MARCO: variants seen among roughly 807,000 people sequenced by gnomAD.
MARCO encodes the protein macrophage receptor MARCO.
In MARCO, 72 loss-of-function variants were observed where a neutral mutation model predicts 70.0. The ratio of observed to expected loss-of-function variants is 1.03; its 90% CI spans 0.85 to 1.25. MARCO has a LOEUF of 1.25. Among genes scored for constraint, MARCO ranks in the 50% most tolerant of loss-of-function variants. The pLI is 0.00. For missense variants in MARCO, 696 were observed against 659.3 expected (o/e 1.06, Z -0.61); for synonymous variants, 273 against 243.1 (o/e 1.12, Z -1.14).
At position 118,969,240 on chromosome 2, in the gene MARCO, G is replaced by A. The variant is rs535947483; in HGVS notation, c.178G>A (p.Ala60Thr). Residue 60 changes from alanine to threonine, a missense_variant, in exon 2 of 17, where the codon GCT becomes ACT. Physicochemically the swap from Ala to Thr is moderately conservative, Grantham distance 58 (BLOSUM62 0). This residue lies in a region of MARCO where 605 missense variants were observed against 537.6 expected (regional missense o/e 1.13). Transcript: ENST00000327097. ...VIYLILLTAGAGLLVVQVLNL... is the reference protein window; with the variant it reads ...VIYLILLTAGTGLLVVQVLNL... Reference sequence around the variant, plus strand: ...CTACCTGATCCTGCTCACCGCTGGCGCTGGGCTGCTGGTGGTCCAAGGTAA... The same window carrying A: ...CTACCTGATCCTGCTCACCGCTGGCACTGGGCTGCTGGTGGTCCAAGGTAA... The A allele has an allele frequency of 2.7e-5, 43 of 1,614,006 alleles. No homozygotes were observed. Among genetic ancestry groups the A allele is most frequent in the Middle Eastern group, 3.3e-4 (2 of 6,078 alleles).
At chr2:118,993,781 A>G (rs1680669291) in intron 16 of MARCO, among the ~76,000 whole-genome samples, 1 of 152,252 alleles carries the variant, frequency 6.6e-6, no homozygotes, top group Non-Finnish European at 1.5e-5. Context: ...AAATCAGAGC[A>G]GGGACTTACT....
rs756519755 is a variant in MARCO, at chr2:118,981,535, G to A, written c.865+28G>A. ...AAGAGGGCACGTGGTCACATCCACT[G>A]ACCTCTAGGTATTTCCTTTTTTTTT... On this transcript the variant is annotated intron_variant, in intron 9 of 16. Coordinates refer to ENST00000327097, the MANE Select transcript of MARCO (RefSeq NM_006770.4). 3.1e-6 allele frequency: 5 copies of A among 1,590,726 alleles called. No individual in the cohort carries two copies. The East Asian group carries it at 1.1e-4, about 36-fold the overall frequency.
intron 12 of MARCO, among the ~76,000 whole-genome samples, chr2:118,985,009 G>GC (rs925068023): frequency 4.6e-5 from 7 of 152,098 alleles, no homozygotes; most frequent in African/African-American, 1.7e-4. Context: ...TCATTACTGC[G>GC]CATTAATTAT....
chr2:118,961,365 C>T (rs76619773), intron 1 of MARCO, among the ~76,000 whole-genome samples: 4,351 of 152,300 alleles, frequency 0.029, 81 homozygotes, highest in Middle Eastern at 0.054. Flanking sequence ...TTCTCTGGAA[C>T]CTCACCAGCA....
In MARCO at chr2:118,946,495, C is replaced by T. The variant is rs78114772; in HGVS notation, c.97+4098C>T. Reference sequence around the variant, plus strand: ...CCTTTGAAACCCATCCAAGTTGTATCCATCCATAGTTGGCTCTTCTTATTG... The same window carrying T: ...CCTTTGAAACCCATCCAAGTTGTATTCATCCATAGTTGGCTCTTCTTATTG... On this transcript the variant is annotated intron_variant, in intron 1 of 16. Coordinates refer to ENST00000327097, the MANE Select transcript of MARCO (RefSeq NM_006770.4). Among the ~76,000 whole-genome samples, 1,630 of 152,054 alleles carry T rather than the reference C, an allele frequency of 0.011. 65 individuals carry two copies. The South Asian group carries it at 0.12, about 11-fold the overall frequency.
intron 1 of MARCO, among the ~76,000 whole-genome samples, chr2:118,954,303 C>A (rs1409812213): frequency 6.6e-6 from 1 of 152,150 alleles, no homozygotes; most frequent in Non-Finnish European, 1.5e-5. Context: ...AGCTTTCCCC[C>A]ACTTCCCTGA....
intron 12 of MARCO, among the ~76,000 whole-genome samples, chr2:118,988,668 C>T (rs1436784060): frequency 4.6e-5 from 7 of 152,100 alleles, no homozygotes; most frequent in Non-Finnish European, 8.8e-5. Flanking sequence ...TGTGATCTTT[C>T]GCCCAACCCA....
At chr2:118,971,455 G>A (rs912080434) in intron 3 of MARCO, 44 bp from the exon 4 acceptor site, 2 of 1,607,830 alleles carry the variant, frequency 1.2e-6, no homozygotes, top group East Asian at 4.5e-5. Context: ...TTGGGCCAAG[G>A]GTACCCCACA....
chr2:118,986,593 GA>G (rs1345581025), intron 12 of MARCO, among the ~76,000 whole-genome samples: 1 of 6,908 alleles, frequency 1.4e-4, no homozygotes, highest in African/African-American at 7.1e-4. Flanking sequence ...AAAGAAGAAA[GA>G]AAGAAAGAAA....
At chr2:118,970,598 T>C (rs890661868) in intron 3 of MARCO, among the ~76,000 whole-genome samples, 1 of 151,682 alleles carries the variant, frequency 6.6e-6, no homozygotes. Flanking sequence ...TGACATGAGG[T>C]TGGGGAGAGA....
chr2:118,993,882 C>G (rs751062119), intron 16 of MARCO, among the ~76,000 whole-genome samples: 1 of 152,180 alleles, frequency 6.6e-6, no homozygotes, highest in African/African-American at 2.4e-5. Context: ...GTTAAGTCCC[C>G]AGGCAGAACC....
intron 2 of MARCO, among the ~76,000 whole-genome samples, 174 bp from the exon 3 acceptor site, chr2:118,969,940 C>T (rs1021715738): frequency 5.3e-5 from 8 of 152,140 alleles, no homozygotes; most frequent in Non-Finnish European, 7.3e-5. Flanking sequence ...GAGTGTGGAG[C>T]GCACATGGTC....
chr2:118,974,527 CG>C lies in MARCO; in HGVS notation c.578del (p.Gly193AspfsTer71). The stretch of plus-strand genomic sequence containing the variant: ...AATTCCCTTTCCCTTCCAGGCCCCT[CG>C]GGACCCCAAGGCCCACCGGGAGTCA... The part of the protein sequence containing the change: ...AMGRDGATGP[S>X]GPQGPPGVKG... On this transcript the variant is annotated frameshift_variant, in exon 6 of 17. Transcript: ENST00000327097. LOFTEE classifies it high-confidence loss of function. 6.2e-7 allele frequency: 1 copy of C among 1,613,902 alleles called. No homozygotes were observed. Among genetic ancestry groups the C allele is most frequent in the Non-Finnish European group, 8.5e-7 (1 of 1,179,984 alleles).
chr2:118,948,214 C>A (rs1018496911), intron 1 of MARCO, among the ~76,000 whole-genome samples: 6 of 152,212 alleles, frequency 3.9e-5, no homozygotes, highest in African/African-American at 1.4e-4. Context: ...ACAGATGGAA[C>A]AATGGCAAGA....
intron 6 of MARCO, among the ~76,000 whole-genome samples, chr2:118,976,350 G>A (rs1404811944): frequency 6.6e-6 from 1 of 151,960 alleles, no homozygotes; most frequent in African/African-American, 2.4e-5. Context: ...TTTCTGCTTG[G>A]GCCCCACTGG....
Position 118,977,477 on chromosome 2 carries a change from A to G in MARCO, c.620A>G (p.Gln207Arg), listed in dbSNP as rs569584428. Residue 207 changes from glutamine (Q) to arginine (R), a missense_variant, in exon 7 of 17, where the codon CAA becomes CGA. By Grantham distance (43) the Gln-to-Arg change is conservative. Coordinates refer to ENST00000327097, the MANE Select transcript of MARCO (RefSeq NM_006770.4). ...CTTTTTTCCTTCCTCACAGGCCTCC[A>G]AGGACCCCAGGGTGCTCCAGGGAAG... The part of the protein sequence containing the change: ...PPGVKGEAGL[Q>R]GPQGAPGKQG... 11 of 1,613,896 alleles carry G rather than the reference A, an allele frequency of 6.8e-6. No individual in the cohort carries two copies. The East Asian group carries it at 2.5e-4, about 36-fold the overall frequency.
chr2:118,977,584 C>A, intron 7 of MARCO, 69 bp downstream of exon 7: 1 of 1,377,690 alleles, frequency 7.3e-7, no homozygotes, highest in Non-Finnish European at 1.0e-6. Context: ...TTCCCCCCCA[C>A]CCCCCATCCT....
chr2:118,967,475 G>A (rs1680074659), intron 1 of MARCO, among the ~76,000 whole-genome samples: 1 of 152,134 alleles, frequency 6.6e-6, no homozygotes, highest in African/African-American at 2.4e-5. Flanking sequence ...CTGAGAGCAG[G>A]GAATGACTTG....
rs1680504814 is a variant in MARCO, at chr2:118,986,666, AAGGAAG to A, written c.1064-3922_1064-3917del. Among the ~76,000 whole-genome samples the A allele has an allele frequency of 3.4e-4, 18 of 53,466 alleles. 2 individuals are homozygous for A. Among genetic ancestry groups the A allele is most frequent in the African/African-American group, 1.9e-3 (18 of 9,262 alleles). The allele number at this position is 53,466 out of a possible 152,430, so 35.1% of individuals were successfully genotyped here. ...GAAAGAAAGAAAGAAGGAAGGAAGG[AAGGAAG>A]GAAAGAAAGAAAGAAAGAAAGAAAG... On this transcript the variant is annotated intron_variant, in intron 12 of 16. Coordinates refer to ENST00000327097, the MANE Select transcript of MARCO (RefSeq NM_006770.4).
Sources: allele counts gnomAD v4.1 joint callset (sites outside exome capture counted in the v4.1 genomes callset), GRCh38; gene constraint gnomAD v4.1.1; regional missense constraint gnomAD v4.1.1; transcripts MANE v1.5; gene names NCBI Gene and HGNC (gene_info 2026-07-23, HGNC 2026-07-21).